EDA: variants seen among roughly 807,000 people sequenced by gnomAD.
EDA encodes the protein ectodysplasin-A.
Under a neutral mutation model 23.6 loss-of-function variants are expected in EDA, and 2 were observed. The observed-to-expected ratio is 0.08, with a 90% CI of 0.03 to 0.27. The LOEUF is 0.27. Ranked by LOEUF, EDA falls within the 10% of genes least tolerant of loss-of-function variation. The pLI is 1.00. For missense variants in EDA, 229 were observed against 324.2 expected (o/e 0.71, Z 2.26); for synonymous variants, 131 against 132.0 (o/e 0.99, Z 0.05).
intron 1 of EDA, among the ~76,000 whole-genome samples, chrX:69,936,401 A>C (rs1180409336): frequency 1.8e-5 from 2 of 111,655 alleles, no homozygotes; most frequent in Non-Finnish European, 3.8e-5. Flanking sequence ...AAAAGTCTTC[A>C]GTCACAGAGC....
At chrX:69,675,693 A>G (rs778521864) in intron 1 of EDA, among the ~76,000 whole-genome samples, 1 of 111,645 alleles carries the variant, frequency 9.0e-6, no homozygotes, top group Admixed American at 9.6e-5. Flanking sequence ...TGAACATAAC[A>G]GACAAAAATT....
At chrX:69,699,698 C>G (rs779876073) in intron 1 of EDA, among the ~76,000 whole-genome samples, 1 of 110,672 alleles carries the variant, frequency 9.0e-6, no homozygotes, top group African/African-American at 3.3e-5. Context: ...CCTAGTGCAA[C>G]TCCATGCCAT....
chrX:69,770,449 T>C (rs2014594718), intron 1 of EDA, among the ~76,000 whole-genome samples: 2 of 112,103 alleles, frequency 1.8e-5, no homozygotes, highest in South Asian at 7.3e-4. Flanking sequence ...TGCAGTGATA[T>C]CTCATTGTGG....
At chrX:69,656,891 A>G (rs756612967) in intron 1 of EDA, among the ~76,000 whole-genome samples, 1 of 111,928 alleles carries the variant, frequency 8.9e-6, no homozygotes, top group African/African-American at 3.2e-5. Context: ...TCTTTACCCA[A>G]TCCACTGTTG....
chrX:69,698,579 T>A (rs777736952), intron 1 of EDA, among the ~76,000 whole-genome samples: 5 of 111,549 alleles, frequency 4.5e-5, no homozygotes, highest in African/African-American at 1.6e-4. Context: ...AAAAGAAAAG[T>A]TCGGCCATAC....
intron 1 of EDA, among the ~76,000 whole-genome samples, chrX:69,925,068 T>C (rs1368732854): frequency 9.0e-6 from 1 of 111,691 alleles, no homozygotes; most frequent in African/African-American, 3.3e-5. Context: ...CAATGGGGTT[T>C]TCTAAATATA....
intron 1 of EDA, among the ~76,000 whole-genome samples, chrX:69,628,752 A>G (rs2147214524): frequency 9.0e-6 from 1 of 111,547 alleles, no homozygotes; most frequent in South Asian, 3.8e-4. Context: ...ACCTATATAT[A>G]GCAATCAATT....
At chrX:69,681,214 T>G (rs962637047) in intron 1 of EDA, among the ~76,000 whole-genome samples, 2 of 111,338 alleles carry the variant, frequency 1.8e-5, no homozygotes, top group Admixed American at 1.9e-4. Flanking sequence ...TGGGCTTCCC[T>G]TTGAGGGTAA....
At chrX:69,772,545 T>A (rs921558502) in intron 1 of EDA, among the ~76,000 whole-genome samples, 1 of 111,706 alleles carries the variant, frequency 9.0e-6, no homozygotes, top group Non-Finnish European at 1.9e-5. Flanking sequence ...TTTACAGGTA[T>A]ATTGCATGTC....
intron 1 of EDA, among the ~76,000 whole-genome samples, chrX:69,849,432 G>A (rs991092229): frequency 8.9e-6 from 1 of 112,065 alleles, no homozygotes; most frequent in Non-Finnish European, 1.9e-5. Context: ...AACATACCAT[G>A]TTGATTCCAC....
At chrX:69,785,843 G>T (rs767829970) in intron 1 of EDA, among the ~76,000 whole-genome samples, 1 of 107,770 alleles carries the variant, frequency 9.3e-6, no homozygotes, top group Admixed American at 9.9e-5. Flanking sequence ...TTTTTCTATT[G>T]ATTGGAATAG....
At chrX:69,930,146 G>T (rs746260505) in intron 1 of EDA, among the ~76,000 whole-genome samples, 2 of 111,906 alleles carry the variant, frequency 1.8e-5, no homozygotes, top group East Asian at 5.7e-4. Context: ...GCCTTGCACT[G>T]TATTTGACTA....
intron 1 of EDA, among the ~76,000 whole-genome samples, chrX:69,805,150 T>C (rs2015785226): frequency 9.0e-6 from 1 of 111,289 alleles, no homozygotes; most frequent in Non-Finnish European, 1.9e-5. Context: ...TTACTTAATG[T>C]CAATTATGTT....
chrX:69,637,809 T>C (rs1932794818), intron 1 of EDA, among the ~76,000 whole-genome samples: 1 of 111,384 alleles, frequency 9.0e-6, no homozygotes, highest in African/African-American at 3.3e-5. Flanking sequence ...CTACTACTAC[T>C]ACTACTGCTT....
At chrX:69,798,281 AC>A (rs991965622) in intron 1 of EDA, among the ~76,000 whole-genome samples, 22 of 111,746 alleles carry the variant, frequency 2.0e-4, no homozygotes, top group East Asian at 2.0e-3. Flanking sequence ...CGACAAAAAA[AC>A]ATTGGATTTA....
At chrX:69,731,388 A>G (rs929630890) in intron 1 of EDA, among the ~76,000 whole-genome samples, 16 of 111,226 alleles carry the variant, frequency 1.4e-4, no homozygotes, top group African/African-American at 4.2e-4. Flanking sequence ...ATTCTTTTCC[A>G]ATTTTATTAA....
chrX:69,702,583 G>A (rs935465902), intron 1 of EDA, among the ~76,000 whole-genome samples: 3 of 109,911 alleles, frequency 2.7e-5, no homozygotes, highest in African/African-American at 6.6e-5. Context: ...AGGCTTGGGG[G>A]ACTAAAGGTG....
At chrX:69,782,237 G>C (rs1346499100) in intron 1 of EDA, among the ~76,000 whole-genome samples, 1 of 109,281 alleles carries the variant, frequency 9.2e-6, no homozygotes, top group African/African-American at 3.3e-5. Flanking sequence ...GTGCCATCAA[G>C]ATGGGGATGG....
intron 1 of EDA, among the ~76,000 whole-genome samples, chrX:69,938,399 A>G (rs891066949): frequency 1.8e-5 from 2 of 112,265 alleles, no homozygotes; most frequent in African/African-American, 6.5e-5. Context: ...TGCCATTTGT[A>G]TGTCTTCTTT....
Sources: gnomAD v4.1 joint callset for allele counts (sites outside exome capture counted in the v4.1 genomes callset) on GRCh38, gnomAD v4.1.1 for gene constraint, MANE v1.5 for transcripts, NCBI Gene and HGNC (gene_info 2026-07-23, HGNC 2026-07-21) for gene names.